The following OPRPN variants were observed in gnomAD, a reference collection of about 807,000 sequenced individuals.
The protein encoded by OPRPN is opiorphin prepropeptide, also known as basic proline-rich lacrimal protein.
Under a neutral mutation model 2.2 loss-of-function variants are expected in OPRPN, and 1 was observed. That is an observed-to-expected ratio of 0.45 (90% confidence interval 0.16 to 2.15). OPRPN has a LOEUF of 2.15. Among genes scored for constraint, OPRPN ranks in the 30% most tolerant of loss-of-function variants. The pLI is 0.28. For synonymous variants in OPRPN, 126 were observed against 111.5 expected (o/e 1.13, Z -0.82); for missense variants, 306 against 297.3 (o/e 1.03, Z -0.21).
At chr4:70,399,159 G>T in intron 1 of OPRPN, 112 bp from the exon 2 acceptor site, 1 of 636,182 alleles carries the variant, frequency 1.6e-6, no homozygotes, top group Non-Finnish European at 2.7e-6. Context: ...GGTTATGTTG[G>T]TCTTTCTTCA....
At position 70,410,173 on chromosome 4, in the gene OPRPN, T is replaced by C. The variant is rs1220010380; in HGVS notation, c.*98T>C. On this transcript the variant is annotated 3_prime_UTR_variant, in exon 3 of 3. Coordinates refer to ENST00000399575, the MANE Select transcript of OPRPN (RefSeq NM_021225.5). ...ACCAACCCTGATCTAACCAGCACAC[T>C]AAATAAAGTATTTGAGCAATAATAT... 3 of 726,164 alleles carry C rather than the reference T, an allele frequency of 4.1e-6. No homozygotes were observed. The highest frequency in any genetic ancestry group is 5.8e-6 in the Non-Finnish European group (3 of 517,714). The allele number at this position is 726,164 out of a possible 1,614,324, so 45.0% of individuals were successfully genotyped here. A position where few individuals can be genotyped will look rare whatever the true frequency, so the allele number is the denominator to read the frequency against.
chr4:70,406,556 C>G (rs1733093048), intron 2 of OPRPN, among the ~76,000 whole-genome samples: 1 of 152,110 alleles, frequency 6.6e-6, no homozygotes, highest in African/African-American at 2.4e-5. Flanking sequence ...GCCACTTAAA[C>G]ATTTTGAAGG....
chr4:70,400,307 TC>T (rs1732949049), intron 2 of OPRPN, among the ~76,000 whole-genome samples: 1 of 151,918 alleles, frequency 6.6e-6, no homozygotes, highest in Non-Finnish European at 1.5e-5. Context: ...CAAATAAATA[TC>T]AATAGACCCT....
In OPRPN at chr4:70,407,874, T is replaced by C. The variant is rs375760713; in HGVS notation, c.52-1506T>C. Among the ~76,000 whole-genome samples the C allele has an allele frequency of 1.1e-4, 17 of 152,312 alleles. No homozygotes were observed. The East Asian group carries it at 2.9e-3, about 26-fold the overall frequency. ...AAGATATTTATGAGTTTTATAGGCA[T>C]AGGGCAGGAAAGTGAAGAAGTTCTC... On this transcript the variant is annotated intron_variant, in intron 2 of 2. Transcript: ENST00000399575.
intron 2 of OPRPN, among the ~76,000 whole-genome samples, chr4:70,406,240 T>G (rs1046981655): frequency 6.6e-6 from 1 of 152,190 alleles, no homozygotes; most frequent in Non-Finnish European, 1.5e-5. Context: ...CCTAACTTAC[T>G]TCGAATTCCT....
chr4:70,408,204 A>C (rs575117044), intron 2 of OPRPN, among the ~76,000 whole-genome samples: 1 of 152,320 alleles, frequency 6.6e-6, no homozygotes, highest in South Asian at 2.1e-4. Flanking sequence ...GCAATATGGC[A>C]GAGACACAGG....
Position 70,404,977 on chromosome 4 carries a change from T to TAATAATAA in OPRPN, c.52-4402_52-4395dup, listed in dbSNP as rs1269244961. Among the ~76,000 whole-genome samples the TAATAATAA allele has an allele frequency of 2.0e-5, 3 of 152,340 alleles. No homozygotes were observed. In the East Asian group the frequency reaches 5.8e-4, roughly 29 times the overall value. On this transcript the variant is annotated intron_variant, in intron 2 of 2. Transcript: ENST00000399575. ...CAAATTTAAATATAGGTGGGCTGCA[T>TAATAATAA]AATAATAATATTAAAGCTACCACTT...
At chr4:70,403,276 A>C (rs1733019102) in intron 2 of OPRPN, among the ~76,000 whole-genome samples, 1 of 152,178 alleles carries the variant, frequency 6.6e-6, no homozygotes, top group South Asian at 2.1e-4. Context: ...GATAACAAAT[A>C]TTGTAGGCTT....
chr4:70,406,626 C>T (rs1345687172), intron 2 of OPRPN, among the ~76,000 whole-genome samples: 1 of 152,096 alleles, frequency 6.6e-6, no homozygotes, highest in Non-Finnish European at 1.5e-5. Flanking sequence ...GCTAGAGGAA[C>T]TGCTTTTATG....
At chr4:70,407,539 G>A (rs1477997534) in intron 2 of OPRPN, among the ~76,000 whole-genome samples, 4 of 152,164 alleles carry the variant, frequency 2.6e-5, no homozygotes, top group African/African-American at 9.7e-5. Context: ...TTGTGTGATG[G>A]GGACAGTAAC....
chr4:70,406,807 T>A (rs1733098855), intron 2 of OPRPN, among the ~76,000 whole-genome samples: 1 of 152,180 alleles, frequency 6.6e-6, no homozygotes, highest in African/African-American at 2.4e-5. Flanking sequence ...TCTTGCATTT[T>A]TAGGGCTGCC....
chr4:70,401,881 A>C (rs986217281), intron 2 of OPRPN, among the ~76,000 whole-genome samples: 4 of 152,152 alleles, frequency 2.6e-5, no homozygotes, highest in Admixed American at 2.0e-4. Context: ...CTTTGTTTGC[A>C]GCACAATCTG....
rs749815072 is a variant in OPRPN at position 70,409,850 on chromosome 4, G to T, written c.522G>T (p.Thr174=). The change falls in exon 3 of 3, where the codon ACG becomes ACT. Residue 174 remains threonine (T), a synonymous_variant. Coordinates refer to ENST00000399575, the MANE Select transcript of OPRPN (RefSeq NM_021225.5). Reference sequence around the variant, plus strand: ...GCACTTCCACAAAACCCACAATGACGATCAGCTCCTCAACAGTACCTATCT... The same window carrying T: ...GCACTTCCACAAAACCCACAATGACTATCAGCTCCTCAACAGTACCTATCT... ...TTSTSTKPTM[T]ISSSTVPISS... The T allele has an allele frequency of 1.2e-6, 2 of 1,612,024 alleles. No homozygotes were observed. The highest frequency in any genetic ancestry group is 1.1e-5 in the South Asian group (1 of 90,886).
intron 2 of OPRPN, among the ~76,000 whole-genome samples, chr4:70,402,407 G>A (rs1034650912): frequency 6.6e-6 from 1 of 152,076 alleles, no homozygotes; most frequent in Admixed American, 6.6e-5. Flanking sequence ...AAAGGATTAC[G>A]CTCCTTGCCA....
chr4:70,409,586 A>G lies in OPRPN; in HGVS notation c.258A>G (p.Gln86=), dbSNP rs1386337143. 6.2e-7 allele frequency: 1 copy of G among 1,612,940 alleles called. No homozygotes were observed. The highest frequency in any genetic ancestry group is 8.5e-7 in the Non-Finnish European group (1 of 1,179,542). ...SRFSQAVILS[Q]LFPLESIRQP... ...TTAGCCAAGCAGTCATTCTATCTCA[A>G]CTCTTTCCATTGGAATCTATTAGAC... The change falls in exon 3 of 3, where the codon CAA becomes CAG. Residue 86 remains glutamine (Q), a synonymous_variant. Transcript: ENST00000399575.
chr4:70,398,811 A>G (rs924265912), intron 1 of OPRPN, among the ~76,000 whole-genome samples: 7 of 152,006 alleles, frequency 4.6e-5, no homozygotes, highest in Middle Eastern at 3.4e-3. Context: ...TCTAATAACA[A>G]TAACACAATA....
Position 70,409,998 on chromosome 4 carries a change from A to C in OPRPN, c.670A>C (p.Thr224Pro), listed in dbSNP as rs760998466. 89 of 1,612,422 alleles carry C rather than the reference A, an allele frequency of 5.5e-5. No individual in the cohort carries two copies. The highest frequency in any genetic ancestry group is 6.9e-5 in the Non-Finnish European group (81 of 1,179,558). Residue 224 changes from threonine to proline, a missense_variant, in exon 3 of 3, where the codon ACG becomes CCG. Physicochemically the swap from Thr to Pro is conservative, Grantham distance 38. Transcript: ENST00000399575. ...TVLLNATVQV[T>P]TSNQTILSSP... ...ATTGCTCAATGCCACTGTCCAAGTT[A>C]CGACTTCCAACCAAACTATATTAAG... is the stretch of plus-strand genomic sequence containing the variant.
intron 1 of OPRPN, among the ~76,000 whole-genome samples, chr4:70,399,067 T>TAA (rs765086492): frequency 7.5e-4 from 112 of 148,938 alleles, no homozygotes; most frequent in Non-Finnish European, 1.4e-3. Flanking sequence ...GTACCACCAT[T>TAA]AAAAAAAAAA....
At chr4:70,401,492 T>C (rs1732983829) in intron 2 of OPRPN, among the ~76,000 whole-genome samples, 1 of 152,080 alleles carries the variant, frequency 6.6e-6, no homozygotes, top group Non-Finnish European at 1.5e-5. Context: ...ACAGTTCATA[T>C]TTGTATATTT....
Sources: allele counts gnomAD v4.1 joint callset (sites outside exome capture counted in the v4.1 genomes callset), GRCh38; gene constraint gnomAD v4.1.1; transcripts MANE v1.5; gene names NCBI Gene and HGNC (gene_info 2026-07-23, HGNC 2026-07-21).